Variants in ANKS1B observed in about 807,000 individuals in gnomAD.
The protein encoded by ANKS1B is ankyrin repeat and sterile alpha motif domain-containing protein 1B.
ANKS1B carries 36 observed loss-of-function variants against 148.3 expected under a neutral mutation model. The ratio of observed to expected loss-of-function variants is 0.24; its 90% CI spans 0.19 to 0.32. The LOEUF is 0.32. Ranked by LOEUF, ANKS1B falls within the 10% of genes least tolerant of loss-of-function variation. ANKS1B has a pLI of 1.00. For synonymous variants in ANKS1B, 542 were observed against 560.8 expected (o/e 0.97, Z 0.47); for missense variants, 1,157 against 1,542.6 (o/e 0.75, Z 4.19).
At position 98,915,190 on chromosome 12, in the gene ANKS1B, T is replaced by G. The variant is rs115371085; in HGVS notation, c.2779-83054A>C. Reference sequence around the variant, plus strand: ...CCTAATCCAATATGACTAGCGTCCTTCTAGAAAGAATGGCATGTGAAGAGA... The same window carrying G: ...CCTAATCCAATATGACTAGCGTCCTGCTAGAAAGAATGGCATGTGAAGAGA... On this transcript the variant is annotated intron_variant, in intron 17 of 26. Coordinates refer to ENST00000683438, the MANE Select transcript of ANKS1B (RefSeq NM_001352186.2). 1.8e-3 allele frequency among the ~76,000 whole-genome samples: 269 copies of G among 152,206 alleles called. 2 individuals carry two copies. Among genetic ancestry groups the G allele is most frequent in the African/African-American group, 6.2e-3 (256 of 41,522 alleles).
chr12:98,804,736 G>C (rs1017897347), intron 20 of ANKS1B, among the ~76,000 whole-genome samples: 1 of 151,908 alleles, frequency 6.6e-6, no homozygotes, highest in Admixed American at 6.6e-5. Flanking sequence ...TGGAAGAAGA[G>C]GTCAAAAAAG....
At chr12:98,888,694 T>G (rs2099745688) in intron 17 of ANKS1B, among the ~76,000 whole-genome samples, 1 of 152,242 alleles carries the variant, frequency 6.6e-6, no homozygotes, top group Non-Finnish European at 1.5e-5. Flanking sequence ...CATCTCCGTA[T>G]AGCTGGTTCC....
chr12:99,819,542 A>G (rs1397278129), intron 2 of ANKS1B, among the ~76,000 whole-genome samples: 1 of 151,876 alleles, frequency 6.6e-6, no homozygotes, highest in Non-Finnish European at 1.5e-5. Flanking sequence ...ATACTTTAAA[A>G]GGTAGAAGAA....
chr12:99,821,791 G>A (rs982371112), intron 2 of ANKS1B, among the ~76,000 whole-genome samples: 1 of 151,996 alleles, frequency 6.6e-6, no homozygotes, highest in Non-Finnish European at 1.5e-5. Flanking sequence ...AATTCAGATA[G>A]CCAAGAAGCC....
intron 14 of ANKS1B, among the ~76,000 whole-genome samples, chr12:99,186,754 C>T (rs1330755429): frequency 6.6e-6 from 1 of 152,072 alleles, no homozygotes; most frequent in Non-Finnish European, 1.5e-5. Context: ...TAGATAAATC[C>T]ATGAAGATGG....
At chr12:99,070,530 C>T (rs1018337282) in intron 16 of ANKS1B, among the ~76,000 whole-genome samples, 4 of 152,084 alleles carry the variant, frequency 2.6e-5, no homozygotes, top group South Asian at 2.1e-4. Flanking sequence ...GCTGTAATAA[C>T]CAGAGGATGG....
At chr12:99,467,134 T>C (rs1216430622) in intron 10 of ANKS1B, among the ~76,000 whole-genome samples, 1 of 152,136 alleles carries the variant, frequency 6.6e-6, no homozygotes, top group Admixed American at 6.5e-5. Context: ...GCTGGTTCAA[T>C]ATACACAAAT....
At chr12:99,509,989 A>C (rs978934271) in intron 9 of ANKS1B, among the ~76,000 whole-genome samples, 3 of 152,000 alleles carry the variant, frequency 2.0e-5, no homozygotes, top group Non-Finnish European at 4.4e-5. Context: ...ATGCTCTATA[A>C]ATGAAACAAC....
At chr12:98,868,645 A>T (rs747711129) in intron 17 of ANKS1B, among the ~76,000 whole-genome samples, 1 of 152,196 alleles carries the variant, frequency 6.6e-6, no homozygotes, top group African/African-American at 2.4e-5. Flanking sequence ...ATGAAGAGAA[A>T]ATCTGGGTCG....
chr12:99,189,645 C>G (rs1361182074), intron 14 of ANKS1B, among the ~76,000 whole-genome samples: 1 of 152,058 alleles, frequency 6.6e-6, no homozygotes, highest in Non-Finnish European at 1.5e-5. Flanking sequence ...ATTCAACAGC[C>G]CTTCATCTAA....
intron 1 of ANKS1B, among the ~76,000 whole-genome samples, chr12:99,923,318 G>C (rs961686936): frequency 4.6e-5 from 7 of 152,172 alleles, no homozygotes; most frequent in African/African-American, 1.7e-4. Context: ...GAGCATTCTA[G>C]GAAGGAGAAA....
chr12:98,930,096 A>G (rs373536549), intron 17 of ANKS1B, among the ~76,000 whole-genome samples: 31 of 152,276 alleles, frequency 2.0e-4, no homozygotes, highest in South Asian at 1.2e-3. Flanking sequence ...ACAATAAAAG[A>G]TAAGTGACCC....
intron 4 of ANKS1B, among the ~76,000 whole-genome samples, chr12:99,805,657 T>C (rs1246976593): frequency 6.6e-6 from 1 of 151,930 alleles, no homozygotes; most frequent in African/African-American, 2.4e-5. Flanking sequence ...TAATAAAATA[T>C]ACTAAATTAA....
rs58987381 is a variant in ANKS1B at position 99,162,875 on chromosome 12, T to C, written c.2420-8480A>G. ...GAGTTTGAGACCAGCCTGGCCAATA[T>C]GGTAAAACCTCGTCTCTACTACAAA... On this transcript the variant is annotated intron_variant, in intron 14 of 26. Transcript: ENST00000683438. Among the ~76,000 whole-genome samples the C allele has an allele frequency of 3.7e-3, 562 of 152,174 alleles. 8 individuals are homozygous for C. Among genetic ancestry groups the C allele is most frequent in the African/African-American group, 0.013 (546 of 41,508 alleles).
chr12:98,744,433 T>C lies in ANKS1B; in HGVS notation c.*1306A>G. 1.2e-6 allele frequency: 1 copy of C among 802,858 alleles called. No homozygotes were observed. Among genetic ancestry groups the C allele is most frequent in the Non-Finnish European group, 1.5e-6 (1 of 663,204 alleles). The allele number at this position is 802,858 out of a possible 1,614,324, so 49.7% of individuals were successfully genotyped here. A position where few individuals can be genotyped will look rare whatever the true frequency, so the allele number is the denominator to read the frequency against. On this transcript the variant is annotated 3_prime_UTR_variant, in exon 27 of 27. Coordinates refer to ENST00000683438, the MANE Select transcript of ANKS1B (RefSeq NM_001352186.2). ...AATATCGCTATAATGAACTTCAAAA[T>C]GATTCACAATATGATTGTTAGAACA... is the stretch of plus-strand genomic sequence containing the variant.
At chr12:99,318,454 G>A (rs924501984) in intron 12 of ANKS1B, among the ~76,000 whole-genome samples, 3 of 152,170 alleles carry the variant, frequency 2.0e-5, no homozygotes, top group Non-Finnish European at 4.4e-5. Context: ...TATTTGTGTA[G>A]AGGTGTTTAT....
intron 17 of ANKS1B, among the ~76,000 whole-genome samples, chr12:98,875,399 AGGATCTGG>A (rs2099685999): frequency 6.6e-6 from 1 of 152,158 alleles, no homozygotes; most frequent in Non-Finnish European, 1.5e-5. Context: ...CAAGCCCTTG[AGGATCTGG>A]TCCCTTCTGA....
At chr12:98,794,962 G>C in intron 22 of ANKS1B, 1 of 1,155,830 alleles carries the variant, frequency 8.7e-7, no homozygotes, top group Non-Finnish European at 1.3e-6. Flanking sequence ...CATGGAAGAT[G>C]CTTCTTAAAA....
At chr12:98,781,476 G>A (rs1482552462) in intron 23 of ANKS1B, 3 of 545,312 alleles carry the variant, frequency 5.5e-6, no homozygotes, top group East Asian at 4.4e-5. Context: ...TACTTTGTGT[G>A]GATGAAGGAG....
Sources: allele counts gnomAD v4.1 joint callset (sites outside exome capture counted in the v4.1 genomes callset), GRCh38; gene constraint gnomAD v4.1.1; transcripts MANE v1.5; gene names NCBI Gene and HGNC (gene_info 2026-07-23, HGNC 2026-07-21).